GRIK2: variants seen among roughly 807,000 people sequenced by gnomAD.
The protein encoded by GRIK2 is glutamate receptor ionotropic, kainate 2.
GRIK2 carries 32 observed loss-of-function variants against 100.3 expected under a neutral mutation model. That is an observed-to-expected ratio of 0.32 (90% CI 0.24 to 0.43). The LOEUF is 0.43. Ranked by LOEUF, GRIK2 falls within the 20% of genes least tolerant of loss-of-function variation. GRIK2 has a pLI of 1.00. For synonymous variants in GRIK2, 417 were observed against 389.4 expected, an observed-to-expected ratio of 1.07 and a Z score of -0.83; for missense variants, 843 against 1,114.9, an observed-to-expected ratio of 0.76 and a Z score of 3.47.
At chr6:101,953,638 T>C (rs748540314) in intron 14 of GRIK2, among the ~76,000 whole-genome samples, 8 of 152,210 alleles carry the variant, frequency 5.3e-5, no homozygotes, top group Non-Finnish European at 1.0e-4. Context: ...AGAGTATTTT[T>C]ACATTTTATA....
intron 16 of GRIK2, among the ~76,000 whole-genome samples, chr6:102,066,987 G>T (rs1442190095): frequency 6.6e-6 from 1 of 151,626 alleles, no homozygotes; most frequent in Admixed American, 6.6e-5. Context: ...AGGATATGTT[G>T]CTGGAATCTT....
chr6:101,829,190 C>T (rs887354046), intron 10 of GRIK2, among the ~76,000 whole-genome samples: 2 of 151,852 alleles, frequency 1.3e-5, no homozygotes, highest in African/African-American at 4.8e-5. Context: ...TGCAGAAATG[C>T]ATTCAATAAA....
intron 2 of GRIK2, among the ~76,000 whole-genome samples, chr6:101,531,486 G>A (rs958990433): frequency 6.6e-6 from 1 of 151,926 alleles, no homozygotes; most frequent in East Asian, 1.9e-4. Context: ...AGAAGATAAG[G>A]TAGTTGAAGT....
intron 4 of GRIK2, among the ~76,000 whole-genome samples, chr6:101,665,653 G>T (rs1331689122): frequency 6.6e-6 from 1 of 152,086 alleles, no homozygotes; most frequent in Non-Finnish European, 1.5e-5. Context: ...AAATATATAG[G>T]AGCAATACTA....
At chr6:101,564,485 C>T (rs1381774485) in intron 2 of GRIK2, among the ~76,000 whole-genome samples, 1 of 152,146 alleles carries the variant, frequency 6.6e-6, no homozygotes, top group Non-Finnish European at 1.5e-5. Context: ...GCCAGATGCC[C>T]AACCTGAATT....
intron 14 of GRIK2, among the ~76,000 whole-genome samples, chr6:101,943,084 G>A (rs1474434320): frequency 6.6e-6 from 1 of 152,190 alleles, no homozygotes; most frequent in African/African-American, 2.4e-5. Context: ...TCAGGACATG[G>A]CACCCTGAGT....
At chr6:102,054,116 A>C (rs1771346813) in intron 15 of GRIK2, among the ~76,000 whole-genome samples, 1 of 152,200 alleles carries the variant, frequency 6.6e-6, no homozygotes, top group South Asian at 2.1e-4. Context: ...GAGAAGCCAT[A>C]AACTTCTACA....
intron 2 of GRIK2, among the ~76,000 whole-genome samples, chr6:101,473,564 A>G (rs1425397461): frequency 6.6e-6 from 1 of 151,878 alleles, no homozygotes; most frequent in Non-Finnish European, 1.5e-5. Flanking sequence ...ACTAAAAATA[A>G]ATTTTAAATT....
intron 2 of GRIK2, among the ~76,000 whole-genome samples, chr6:101,509,572 G>T (rs1002901605): frequency 8.5e-5 from 13 of 152,158 alleles, no homozygotes; most frequent in African/African-American, 3.1e-4. Flanking sequence ...AGTCTGCCTT[G>T]TTTCTCTAGT....
At chr6:101,619,749 C>A (rs1293367903) in intron 2 of GRIK2, among the ~76,000 whole-genome samples, 1 of 151,952 alleles carries the variant, frequency 6.6e-6, no homozygotes, top group Non-Finnish European at 1.5e-5. Context: ...TTAGTTACGT[C>A]TTATTAAGTC....
intron 2 of GRIK2, among the ~76,000 whole-genome samples, chr6:101,586,689 C>G (rs1261895110): frequency 6.6e-6 from 1 of 150,424 alleles, no homozygotes; most frequent in African/African-American, 2.5e-5. Context: ...GCCAATATGG[C>G]AAAACCCCAT....
intron 2 of GRIK2, among the ~76,000 whole-genome samples, chr6:101,458,658 A>G (rs1771133951): frequency 6.6e-6 from 1 of 152,202 alleles, no homozygotes; most frequent in African/African-American, 2.4e-5. Context: ...TGGCAAACCC[A>G]GTCCACCTCT....
At chr6:101,809,308 T>G (rs1233982487) in intron 9 of GRIK2, among the ~76,000 whole-genome samples, 1 of 152,012 alleles carries the variant, frequency 6.6e-6, no homozygotes. Context: ...TGTTTCAAAG[T>G]GCTTTTTGAA....
chr6:101,433,135 T>G (rs1472886936), intron 2 of GRIK2, among the ~76,000 whole-genome samples: 2 of 152,178 alleles, frequency 1.3e-5, no homozygotes, highest in Non-Finnish European at 2.9e-5. Flanking sequence ...CCAAGAGATT[T>G]TTTTTCTGTA....
chr6:101,583,718 G>GA (rs1778213715), intron 2 of GRIK2, among the ~76,000 whole-genome samples: 1 of 152,072 alleles, frequency 6.6e-6, no homozygotes, highest in African/African-American at 2.4e-5. Context: ...GCTGGGGACA[G>GA]AAAAAAACTT....
intron 7 of GRIK2, among the ~76,000 whole-genome samples, chr6:101,747,050 C>A (rs1776462340): frequency 6.6e-6 from 1 of 152,146 alleles, no homozygotes; most frequent in South Asian, 2.1e-4. Flanking sequence ...ATCAGCAGTT[C>A]ACCAGAGAAA....
At position 101,688,092 on chromosome 6, in the gene GRIK2, A is replaced by T. The variant is rs552509727; in HGVS notation, c.951+1739A>T. On this transcript the variant is annotated intron_variant, in intron 7 of 16. Coordinates refer to ENST00000369134, the MANE Select transcript of GRIK2 (RefSeq NM_021956.5). Reference sequence around the variant, plus strand: ...AAAAATATTTATTATATAAAAATATATATTATATAAAAATATTTAAATATT... The same window carrying T: ...AAAAATATTTATTATATAAAAATATTTATTATATAAAAATATTTAAATATT... 3.6e-3 allele frequency among the ~76,000 whole-genome samples: 522 copies of T among 146,336 alleles called. 2 individuals carry two copies. Among genetic ancestry groups the T allele is most frequent in the Non-Finnish European group, 5.6e-3 (375 of 66,610 alleles).
At chr6:101,995,853 T>C (rs1458064515) in intron 14 of GRIK2, among the ~76,000 whole-genome samples, 1 of 152,036 alleles carries the variant, frequency 6.6e-6, no homozygotes, top group Non-Finnish European at 1.5e-5. Flanking sequence ...TGTTTAAGTC[T>C]AGTTTAAACA....
chr6:101,631,140 T>C (rs1182584670), intron 4 of GRIK2, among the ~76,000 whole-genome samples: 1 of 152,196 alleles, frequency 6.6e-6, no homozygotes, highest in Non-Finnish European at 1.5e-5. Context: ...AAGTCTGTTA[T>C]AGCTCTGAAT....
Sources: gnomAD v4.1 joint callset for allele counts (sites outside exome capture counted in the v4.1 genomes callset) on GRCh38, gnomAD v4.1.1 for gene constraint, MANE v1.5 for transcripts, NCBI Gene and HGNC (gene_info 2026-07-23, HGNC 2026-07-21) for gene names.